The following BACH2 variants were observed in gnomAD, a reference collection of about 807,000 sequenced individuals.
BACH2 encodes BACH transcriptional regulator 2, also known as transcription regulator protein BACH2.
In BACH2, 5 loss-of-function variants were observed where a neutral mutation model predicts 61.8. That is an observed-to-expected ratio of 0.08 (90% CI 0.04 to 0.17). BACH2 has a LOEUF of 0.17. BACH2 is among the 10% of genes least tolerant of loss of function. The pLI is 1.00. For synonymous variants in BACH2, 446 were observed against 440.1 expected, an observed-to-expected ratio of 1.01 and a Z score of -0.17; for missense variants, 824 against 1,091.1, an observed-to-expected ratio of 0.76 and a Z score of 3.45.
intron 5 of BACH2, among the ~76,000 whole-genome samples, chr6:90,010,999 G>C (rs1420917347): frequency 6.6e-6 from 1 of 152,080 alleles, no homozygotes; most frequent in Non-Finnish European, 1.5e-5. Context: ...TCAGATACAT[G>C]ACTTGTAAAA....
At chr6:90,007,492 C>T (rs556064900) in intron 6 of BACH2, among the ~76,000 whole-genome samples, 2 of 152,012 alleles carry the variant, frequency 1.3e-5, no homozygotes, top group Non-Finnish European at 2.9e-5. Context: ...AATTTAGATG[C>T]CTTTTGGTGG....
chr6:90,016,541 C>T (rs1329786427), intron 5 of BACH2, among the ~76,000 whole-genome samples: 2 of 152,086 alleles, frequency 1.3e-5, no homozygotes, highest in South Asian at 4.1e-4. Flanking sequence ...CATACCATGT[C>T]GTGTAAAGCA....
In BACH2 at chr6:90,157,478, G is replaced by A. The variant is rs1010793420; in HGVS notation, c.-162+49091C>T. 2.4e-4 allele frequency among the ~76,000 whole-genome samples: 36 copies of A among 152,124 alleles called. 1 individual carries two copies. In the Middle Eastern group the frequency reaches 9.5e-3, roughly 40 times the overall value. On this transcript the variant is annotated intron_variant, in intron 4 of 8. Transcript: ENST00000257749. Reference sequence around the variant, plus strand: ...AGTAAGTAAATTTATTATTTTACACGACAGAGTTGCCTGGAAGTAAAGCCA... The same window carrying A: ...AGTAAGTAAATTTATTATTTTACACAACAGAGTTGCCTGGAAGTAAAGCCA...
intron 7 of BACH2, among the ~76,000 whole-genome samples, chr6:89,948,677 C>T (rs1773892835): frequency 6.6e-6 from 1 of 152,136 alleles, no homozygotes; most frequent in East Asian, 1.9e-4. Flanking sequence ...GAAAACCTCA[C>T]AAAAGAGGTC....
chr6:90,189,614 CA>C (rs59022545), intron 4 of BACH2, among the ~76,000 whole-genome samples: 8,494 of 47,882 alleles, frequency 0.18, 117 homozygotes, highest in South Asian at 0.23. Flanking sequence ...GACTCCGTCT[CA>C]AAAAAAAAAA....
In BACH2 at chr6:89,987,842, T is replaced by A. The variant is rs1304131632; in HGVS notation, c.243+20760A>T. Among the ~76,000 whole-genome samples the A allele has an allele frequency of 2.6e-5, 4 of 152,142 alleles. No homozygotes were observed. The East Asian group carries it at 7.7e-4, about 29-fold the overall frequency. ...CCAATCCTTGATGCTTCTCCCCTTA[T>A]AGCACAACAGCCCAACACGTGTTAT... On this transcript the variant is annotated intron_variant, in intron 6 of 8. Coordinates refer to ENST00000257749, the MANE Select transcript of BACH2 (RefSeq NM_021813.4).
At chr6:90,244,498 T>A (rs1450445189) in intron 3 of BACH2, among the ~76,000 whole-genome samples, 1 of 152,202 alleles carries the variant, frequency 6.6e-6, no homozygotes, top group Non-Finnish European at 1.5e-5. Flanking sequence ...GGGCCCAACA[T>A]TCTCATGGAC....
intron 4 of BACH2, among the ~76,000 whole-genome samples, chr6:90,177,773 G>T (rs1181691574): frequency 6.6e-6 from 1 of 152,072 alleles, no homozygotes; most frequent in Non-Finnish European, 1.5e-5. Context: ...CTTTCCTCAT[G>T]GGGGAAATGC....
intron 3 of BACH2, among the ~76,000 whole-genome samples, chr6:90,247,403 T>A (rs957116992): frequency 6.7e-6 from 1 of 149,606 alleles, no homozygotes; most frequent in African/African-American, 2.5e-5. Flanking sequence ...GTACAGTTAT[T>A]TTTTTTTTTG....
In BACH2 at chr6:90,062,942, A is replaced by G. The variant is rs533044833; in HGVS notation, c.-13+26019T>C. 14 of 985,238 alleles carry G rather than the reference A, an allele frequency of 1.4e-5. No homozygotes were observed. In the South Asian group the frequency reaches 6.6e-4, roughly 46 times the overall value. The allele number at this position is 985,238 out of a possible 1,614,324, so 61.0% of individuals were successfully genotyped here. On this transcript the variant is annotated intron_variant, in intron 5 of 8. Transcript: ENST00000257749. Reference sequence around the variant, plus strand: ...CCTGCTGATCTGAGAAGTCTCTTCCACTTGCGTTTTTCTTCTTTTACCTGG... The same window carrying G: ...CCTGCTGATCTGAGAAGTCTCTTCCGCTTGCGTTTTTCTTCTTTTACCTGG...
Position 89,951,541 on chromosome 6 carries a change from G to T in BACH2, c.565C>A (p.Pro189Thr). The T allele has an allele frequency of 6.2e-7, 1 of 1,614,188 alleles. No individual in the cohort carries two copies. Among genetic ancestry groups the T allele is most frequent in the South Asian group, 1.1e-5 (1 of 91,084 alleles). Residue 189 changes from proline (P) to threonine (T), a missense_variant, in exon 7 of 9, where the codon CCC (proline) becomes ACC (threonine). Physicochemically the swap from Pro to Thr is conservative, Grantham distance 38. This residue lies in a region of BACH2 where 107 missense variants were observed against 121.7 expected (regional missense o/e 0.88). Coordinates refer to ENST00000257749, the MANE Select transcript of BACH2 (RefSeq NM_021813.4). The surrounding 1 kb of genome is among the most constrained non-coding windows in gnomAD (Gnocchi z 6.4). ...ACPRDQMLPEPISFEAAAIPV... is the reference protein window; with the variant it reads ...ACPRDQMLPETISFEAAAIPV... ...ATGGCGGCGGCCTCAAAGCTGATGG[G>T]CTCTGGAAGCATCTGGTCCCTGGGG... is the stretch of plus-strand genomic sequence containing the variant.
chr6:90,286,140 A>T (rs999664342), intron 1 of BACH2, among the ~76,000 whole-genome samples: 1 of 152,242 alleles, frequency 6.6e-6, no homozygotes, highest in African/African-American at 2.4e-5. Flanking sequence ...AACTAGATTT[A>T]ACTGCTTTTC....
At chr6:89,957,935 A>G (rs56288093) in intron 6 of BACH2, among the ~76,000 whole-genome samples, 13,863 of 152,262 alleles carry the variant, frequency 0.091, 739 homozygotes, top group South Asian at 0.13. Context: ...ATTTATACAT[A>G]TATCATTTCA....
intron 5 of BACH2, among the ~76,000 whole-genome samples, chr6:90,022,354 T>C (rs1454827686): frequency 6.6e-6 from 1 of 152,074 alleles, no homozygotes; most frequent in Non-Finnish European, 1.5e-5. Flanking sequence ...GAGGCCGAGG[T>C]GGGCAGATTG....
chr6:90,110,310 G>C (rs1582373963), intron 4 of BACH2, among the ~76,000 whole-genome samples: 2 of 152,200 alleles, frequency 1.3e-5, no homozygotes, highest in South Asian at 4.1e-4. Flanking sequence ...CTGAAAATCT[G>C]TCAATAAACT....
At chr6:89,940,852 GTTTTT>G (rs11306386) in intron 7 of BACH2, among the ~76,000 whole-genome samples, 1 of 142,600 alleles carries the variant, frequency 7.0e-6, no homozygotes, top group African/African-American at 2.6e-5. Flanking sequence ...ATAGTTTACA[GTTTTT>G]TTTTTTTTTG....
chr6:90,158,929 C>G (rs765419819), intron 4 of BACH2, among the ~76,000 whole-genome samples: 25 of 152,164 alleles, frequency 1.6e-4, no homozygotes, highest in Admixed American at 1.2e-3. Context: ...GATTTCTTAG[C>G]ACTAATAAAC....
chr6:90,205,993 C>A (rs1287639801), intron 4 of BACH2, among the ~76,000 whole-genome samples: 1 of 152,140 alleles, frequency 6.6e-6, no homozygotes, highest in Non-Finnish European at 1.5e-5. Context: ...AAAAGATGCA[C>A]CTTACACTCT....
chr6:90,004,788 A>G (rs1371970110), intron 6 of BACH2, among the ~76,000 whole-genome samples: 1 of 152,172 alleles, frequency 6.6e-6, no homozygotes, highest in Non-Finnish European at 1.5e-5. Flanking sequence ...CACATCAACT[A>G]CTTTCTCTTC....
Sources: gnomAD v4.1 joint callset for allele counts (sites outside exome capture counted in the v4.1 genomes callset) on GRCh38, gnomAD v4.1.1 for gene constraint, gnomAD v4.1.1 regional missense constraint, Gnocchi (gnomAD v3.1) non-coding constraint, MANE v1.5 for transcripts, NCBI Gene and HGNC (gene_info 2026-07-23, HGNC 2026-07-21) for gene names.